ASXL1: variants seen among roughly 807,000 people sequenced by gnomAD.
ASXL1 encodes the protein ASXL transcriptional regulator 1.
Under a neutral mutation model 89.1 loss-of-function variants are expected in ASXL1, and 65 were observed. That is an observed-to-expected ratio of 0.73 (90% CI 0.60 to 0.90). ASXL1 has a LOEUF of 0.90. Ranked by LOEUF, ASXL1 falls within the 40% of genes least tolerant of loss-of-function variation. The pLI is 0.00. For synonymous variants in ASXL1, 739 were observed against 746.9 expected (o/e 0.99, Z 0.17); for missense variants, 1,786 against 1,942.9 (o/e 0.92, Z 1.52).
chr20:32,377,687 C>T (rs1383830777), intron 4 of ASXL1, among the ~76,000 whole-genome samples: 1 of 151,912 alleles, frequency 6.6e-6, no homozygotes, highest in African/African-American at 2.4e-5. Flanking sequence ...GAGTCTCACT[C>T]TGTCGCCCAG....
intron 4 of ASXL1, among the ~76,000 whole-genome samples, chr20:32,422,032 C>T (rs779860467): frequency 2.0e-5 from 3 of 148,664 alleles, no homozygotes; most frequent in African/African-American, 7.5e-5. Context: ...CCACTCCTGG[C>T]TAATTTTTTT....
chr20:32,358,878 GGGGC>G, intron 1 of ASXL1, 46 bp downstream of exon 1: 1 of 1,454,226 alleles, frequency 6.9e-7, no homozygotes, highest in Non-Finnish European at 9.1e-7. Context: ...CGGGGTGGGG[GGGGC>G]TCGCCGCGCA....
Position 32,429,763 on chromosome 20 carries a change from C to T in ASXL1, c.566-138C>T. ...GCCAGACCATGAAGTGGTGGTTTCT[C>T]TCAGCCTAAGGCTGGGAGATGGAAG... is the stretch of plus-strand genomic sequence containing the variant. On this transcript the variant is annotated intron_variant, in intron 7 of 12. Transcript: ENST00000375687. The surrounding 1 kb of genome is among the most constrained non-coding windows in gnomAD (Gnocchi z 4.9). 3 of 1,260,700 alleles carry T rather than the reference C, an allele frequency of 2.4e-6. No individual in the cohort carries two copies. The highest frequency in any genetic ancestry group is 3.3e-6 in the Non-Finnish European group (3 of 914,258). 78.1% of individuals were successfully genotyped at this position (1,260,700 alleles called of 1,614,324 possible).
intron 4 of ASXL1, among the ~76,000 whole-genome samples, chr20:32,394,861 G>A (rs1460510996): frequency 1.3e-5 from 2 of 151,868 alleles, no homozygotes; most frequent in Non-Finnish European, 1.5e-5. Context: ...TTACAGGTGC[G>A]CCCCATCATG....
chr20:32,374,000 G>GTA (rs2048339297), intron 4 of ASXL1, among the ~76,000 whole-genome samples: 1 of 152,130 alleles, frequency 6.6e-6, no homozygotes, highest in Non-Finnish European at 1.5e-5. Context: ...TTATATATGT[G>GTA]TATATATATG....
intron 4 of ASXL1, among the ~76,000 whole-genome samples, chr20:32,422,023 C>T (rs1368129924): frequency 2.9e-4 from 44 of 151,136 alleles, no homozygotes; most frequent in African/African-American, 1.0e-3. Context: ...CGACCGCCAC[C>T]ACTCCTGGCT....
intron 4 of ASXL1, among the ~76,000 whole-genome samples, chr20:32,390,647 A>G (rs1363162936): frequency 6.6e-6 from 1 of 151,996 alleles, no homozygotes; most frequent in African/African-American, 2.4e-5. Context: ...CACCACCATA[A>G]TTAAGATCCA....
In ASXL1 at chr20:32,398,611, T is replaced by TG. The variant is rs199733629; in HGVS notation, c.252+29488_252+29489insG. On this transcript the variant is annotated intron_variant, in intron 4 of 12. Coordinates refer to ENST00000375687, the MANE Select transcript of ASXL1 (RefSeq NM_015338.6). ...TTTTGTTTTTTTTGTTTGTTTTTTT[T>TG]TTTGTTTTTTTTTTTTGAGACGGAG... is the stretch of plus-strand genomic sequence containing the variant. 3.3e-3 allele frequency among the ~76,000 whole-genome samples: 491 copies of TG among 147,890 alleles called. 5 individuals are homozygous for TG. The highest frequency in any genetic ancestry group is 9.6e-3 in the African/African-American group (390 of 40,498).
At chr20:32,426,681 T>C (rs1373058679) in intron 4 of ASXL1, among the ~76,000 whole-genome samples, 1 of 149,264 alleles carries the variant, frequency 6.7e-6, no homozygotes. Flanking sequence ...TGCCTTAGCC[T>C]CCCGAGTAGC....
rs779372602 is a variant in ASXL1 at position 32,435,693 on chromosome 20, C to T, written c.2981C>T (p.Pro994Leu). ...KINGDSEALS[P>L]HGESTDTASD... ...AACGGAGACTCTGAAGCACTGAGTC[C>T]TCACGGTGAGTCCACGGATACAGCC... is the stretch of plus-strand genomic sequence containing the variant. The change falls in exon 13 of 13, where the codon CCT becomes CTT. Residue 994 changes from proline (P) to leucine (L), a missense_variant. By Grantham distance (98) the Pro-to-Leu change is moderately conservative. Transcript: ENST00000375687. 6.2e-7 allele frequency: 1 copy of T among 1,614,152 alleles called. No homozygotes were observed. Among genetic ancestry groups the T allele is most frequent in the South Asian group, 1.1e-5 (1 of 91,080 alleles).
Position 32,428,075 on chromosome 20 carries a change from G to A in ASXL1, c.253-53G>A, listed in dbSNP as rs866801969. On this transcript the variant is annotated intron_variant, in intron 4 of 12. Coordinates refer to ENST00000375687, the MANE Select transcript of ASXL1 (RefSeq NM_015338.6). ...ATACACATTTAGGAATGACTGCCTT[G>A]CTTTAAGAATTTGTAGGGTTTTGTT... The A allele has an allele frequency of 7.3e-5, 118 of 1,610,862 alleles. No individual in the cohort carries two copies. The African/African-American group carries it at 1.1e-3, about 14-fold the overall frequency.
At position 32,358,771 on chromosome 20, in the gene ASXL1, G is replaced by A. The variant is rs2122754675; in HGVS notation, c.-5G>A. On this transcript the variant is annotated 5_prime_UTR_variant, in exon 1 of 13. Transcript: ENST00000375687. ...GTGGAGCTGCCGCCGCCGCCGGGGAGAAGGATGAAGGACAAACAGAAGAAG... is the reference window on the plus strand; with the variant it reads ...GTGGAGCTGCCGCCGCCGCCGGGGAAAAGGATGAAGGACAAACAGAAGAAG... 1.3e-6 allele frequency: 2 copies of A among 1,492,650 alleles called. No individual in the cohort carries two copies. Among genetic ancestry groups the A allele is most frequent in the South Asian group, 1.2e-5 (1 of 80,170 alleles). 92.5% of individuals were successfully genotyped at this position (1,492,650 alleles called of 1,614,324 possible).
At chr20:32,407,873 A>C (rs936686481) in intron 4 of ASXL1, among the ~76,000 whole-genome samples, 1 of 152,148 alleles carries the variant, frequency 6.6e-6, no homozygotes, top group Non-Finnish European at 1.5e-5. Context: ...TTGCCTATCT[A>C]TTAATAGTGC....
chr20:32,358,556 G>T lies in ASXL1; in HGVS notation c.-220G>T. On this transcript the variant is annotated 5_prime_UTR_variant, in exon 1 of 13. Coordinates refer to ENST00000375687, the MANE Select transcript of ASXL1 (RefSeq NM_015338.6). ...TGCCGCCGTGGGCGACTGACGCAGC[G>T]CGGGCGCGTGGAGCCGCCGCCGCCC... 1 of 210,492 alleles carries T rather than the reference G, an allele frequency of 4.8e-6. No individual in the cohort carries two copies. Among genetic ancestry groups the T allele is most frequent in the East Asian group, 6.8e-5 (1 of 14,770 alleles). The allele number at this position is 210,492 out of a possible 1,614,324, so 13.0% of individuals were successfully genotyped here. A position where few individuals can be genotyped will look rare whatever the true frequency, so the allele number is the denominator to read the frequency against.
At position 32,435,083 on chromosome 20, in the gene ASXL1, T is replaced by A; in HGVS notation, c.2371T>A (p.Ser791Thr). Residue 791 changes from serine (S) to threonine (T), a missense_variant, in exon 13 of 13, where the codon TCT (serine) becomes ACT (threonine). Ser to Thr is a moderately conservative substitution (Grantham distance 58). Coordinates refer to ENST00000375687, the MANE Select transcript of ASXL1 (RefSeq NM_015338.6). ...LHPDVRTECESGTTSWESDDE... is the reference protein window; with the variant it reads ...LHPDVRTECETGTTSWESDDE... ...TCCGGATGTTAGAACTGAATGTGAG[T>A]CTGGCACCACTTCCTGGGAAAGTGA... 1.2e-6 allele frequency: 2 copies of A among 1,613,934 alleles called. No homozygotes were observed. Among genetic ancestry groups the A allele is most frequent in the African/African-American group, 1.3e-5 (1 of 75,028 alleles).
At chr20:32,399,369 A>T (rs2048829007) in intron 4 of ASXL1, among the ~76,000 whole-genome samples, 1 of 141,390 alleles carries the variant, frequency 7.1e-6, no homozygotes, top group African/African-American at 2.7e-5. Flanking sequence ...TGCTTTTATT[A>T]TTTTCTCTTT....
intron 4 of ASXL1, among the ~76,000 whole-genome samples, chr20:32,392,774 A>G (rs1351133140): frequency 6.6e-6 from 1 of 152,156 alleles, no homozygotes; most frequent in South Asian, 2.1e-4. Flanking sequence ...TTTTGGGAAT[A>G]AAAATCCAGA....
At position 32,434,020 on chromosome 20, in the gene ASXL1, G is replaced by A. The variant is rs2011632299; in HGVS notation, c.1719+103G>A. 2.7e-6 allele frequency: 4 copies of A among 1,490,866 alleles called. No homozygotes were observed. In the South Asian group the frequency reaches 3.5e-5, roughly 13 times the overall value. 92.4% of individuals were successfully genotyped at this position (1,490,866 alleles called of 1,614,324 possible). ...CTGGGGCCCTGAAGTTAATTATGTGGGAATGTAGAGCTTTTTATGAGAGGT... is the reference window on the plus strand; with the variant it reads ...CTGGGGCCCTGAAGTTAATTATGTGAGAATGTAGAGCTTTTTATGAGAGGT... On this transcript the variant is annotated intron_variant, in intron 12 of 12. Transcript: ENST00000375687.
At chr20:32,359,844 A>G (rs1034202446) in intron 1 of ASXL1, 2 of 717,462 alleles carry the variant, frequency 2.8e-6, no homozygotes, top group African/African-American at 3.5e-5. Flanking sequence ...ACTTTGAGAC[A>G]TATTCGGGTA....
Sources: allele counts gnomAD v4.1 joint callset (sites outside exome capture counted in the v4.1 genomes callset), GRCh38; gene constraint gnomAD v4.1.1; non-coding constraint Gnocchi (gnomAD v3.1); transcripts MANE v1.5; gene names NCBI Gene and HGNC (gene_info 2026-07-23, HGNC 2026-07-21).